The following CALHM3 variants were observed in gnomAD, a reference collection of about 807,000 sequenced individuals.
CALHM3 encodes the protein calcium homeostasis modulator protein 3.
In CALHM3, 9 loss-of-function variants were observed where a neutral mutation model predicts 13.6. The observed-to-expected ratio is 0.66, with a 90% CI of 0.40 to 1.15. The LOEUF (loss-of-function observed/expected upper bound fraction) is 1.15. Among genes scored for constraint, CALHM3 ranks in the 50% most tolerant of loss-of-function variants. The pLI is 0.01. For missense variants in CALHM3, 497 were observed against 463.4 expected, an observed-to-expected ratio of 1.07 and a Z score of -0.67; for synonymous variants, 231 against 213.2, an observed-to-expected ratio of 1.08 and a Z score of -0.73.
In CALHM3 at chr10:103,479,042, C is replaced by T; in HGVS notation, c.-10G>A. 2 of 1,541,642 alleles carry T rather than the reference C, an allele frequency of 1.3e-6. No individual in the cohort carries two copies. Among genetic ancestry groups the T allele is most frequent in the Non-Finnish European group, 1.8e-6 (2 of 1,140,922 alleles). On this transcript the variant is annotated 5_prime_UTR_variant, in exon 1 of 3. Transcript: ENST00000369783. ...TGCGGAATTTATCCATGGCTCCAGC[C>T]TGGGTGGGTGGGCGGCCGTCGGTTC...
intron 2 of CALHM3, among the ~76,000 whole-genome samples, chr10:103,475,736 G>A (rs1426164895): frequency 6.6e-6 from 1 of 152,190 alleles, no homozygotes; most frequent in Non-Finnish European, 1.5e-5. Context: ...ATACTTTTTG[G>A]TGGACACAAC....
Position 103,473,484 on chromosome 10 carries a change from T to C in CALHM3, c.764A>G (p.Gln255Arg), listed in dbSNP as rs750525191. 6.5e-7 allele frequency: 1 copy of C among 1,549,908 alleles called. No homozygotes were observed. The highest frequency in any genetic ancestry group is 8.7e-7 in the Non-Finnish European group (1 of 1,146,256). Residue 255 changes from glutamine (Q) to arginine (R), a missense_variant, in exon 3 of 3, where the codon CAG becomes CGG. Coordinates refer to ENST00000369783, the MANE Select transcript of CALHM3 (RefSeq NM_001129742.2). ...ATTGCCCCGGCGCAGCCCCCGCGCCTGCAGCTCACTCCGCATGCTGGCAAA... is the reference window on the plus strand; with the variant it reads ...ATTGCCCCGGCGCAGCCCCCGCGCCCGCAGCTCACTCCGCATGCTGGCAAA... ...HFFASMRSEL[Q>R]ARGLRRGNAG... is the part of the protein sequence containing the mutation.
At chr10:103,476,633 G>T in intron 1 of CALHM3, 84 bp from the exon 2 acceptor site, 1 of 1,483,752 alleles carries the variant, frequency 6.7e-7, no homozygotes, top group Non-Finnish European at 9.1e-7. Flanking sequence ...CTGCTGGGAA[G>T]TCCCAGGCTG....
Position 103,478,823 on chromosome 10 carries a change from G to A in CALHM3, c.210C>T (p.Ala70=). The part of the protein sequence containing the change: ...PLALFLCGLL[A]NRQSVVMVEE... ...CGACCATCACCACAGACTGCCGGTT[G>A]GCGAGGAGGCCGCAGAGAAACAGGG... is the stretch of plus-strand genomic sequence containing the variant. The change falls in exon 1 of 3, where the codon GCC becomes GCT. Residue 70 remains alanine, a synonymous_variant. Coordinates refer to ENST00000369783, the MANE Select transcript of CALHM3 (RefSeq NM_001129742.2). 6.4e-7 allele frequency: 1 copy of A among 1,551,540 alleles called. No individual in the cohort carries two copies. Among genetic ancestry groups the A allele is most frequent in the Non-Finnish European group, 8.7e-7 (1 of 1,146,996 alleles).
rs2033342827 is a variant in CALHM3, at chr10:103,473,259, G to C, written c.989C>G (p.Pro330Arg). The part of the protein sequence containing the change: ...LCGGGLSHRA[P>R]TLALGTRLSQ... ...CAGCCTCGTGCCCAGTGCCAAGGTA[G>C]GGGCGCGGTGGCTAAGGCCACCCCC... The change falls in exon 3 of 3, where the codon CCT becomes CGT. Residue 330 changes from proline to arginine, a missense_variant. Physicochemically the swap from Pro to Arg is moderately radical, Grantham distance 103. Coordinates refer to ENST00000369783, the MANE Select transcript of CALHM3 (RefSeq NM_001129742.2). The C allele has an allele frequency of 6.9e-7, 1 of 1,447,318 alleles. No homozygotes were observed. Among genetic ancestry groups the C allele is most frequent in the African/African-American group, 1.4e-5 (1 of 69,344 alleles). The allele number at this position is 1,447,318 out of a possible 1,614,324, so 89.7% of individuals were successfully genotyped here.
At chr10:103,478,304 T>C (rs1244484793) in intron 1 of CALHM3, among the ~76,000 whole-genome samples, 2 of 152,230 alleles carry the variant, frequency 1.3e-5, no homozygotes, top group East Asian at 3.8e-4. Flanking sequence ...TCTTTAGGTC[T>C]TTATTCTGAA....
At chr10:103,476,141 C>T (rs1243416569) in intron 2 of CALHM3, among the ~76,000 whole-genome samples, 153 bp downstream of exon 2, 1 of 152,200 alleles carries the variant, frequency 6.6e-6, no homozygotes, top group Non-Finnish European at 1.5e-5. Flanking sequence ...TGGGCGCAGG[C>T]AAGGCAGAGC....
chr10:103,475,148 C>G (rs1459384701), intron 2 of CALHM3, among the ~76,000 whole-genome samples: 1 of 152,186 alleles, frequency 6.6e-6, no homozygotes, highest in Non-Finnish European at 1.5e-5. Context: ...AAGCCATAGT[C>G]TCTTTAAGGC....
In CALHM3 at chr10:103,479,169, C is replaced by A; in HGVS notation, c.-137G>T. 3.9e-6 allele frequency: 4 copies of A among 1,031,598 alleles called. No homozygotes were observed. Among genetic ancestry groups the A allele is most frequent in the Non-Finnish European group, 5.5e-6 (4 of 729,572 alleles). The allele number at this position is 1,031,598 out of a possible 1,614,324, so 63.9% of individuals were successfully genotyped here. On this transcript the variant is annotated 5_prime_UTR_variant, in exon 1 of 3. Coordinates refer to ENST00000369783, the MANE Select transcript of CALHM3 (RefSeq NM_001129742.2). ...CTCTGCTTCCAAGGGCCTGAGGGGC[C>A]AAGGAGGAAGCAGTGCCCAGGCCCC...
chr10:103,473,573 C>T lies in CALHM3; in HGVS notation c.675G>A (p.Lys225=). ...GCTCACAGCAGGTCTCGTCGAAGAG[C>T]TTCTGCTCCAGGTCCACGTAGTTGC... ...YWSNYVDLEQ[K]LFDETCCEHA... The change falls in exon 3 of 3, where the codon AAG becomes AAA. Residue 225 remains lysine (K), a synonymous_variant. Coordinates refer to ENST00000369783, the MANE Select transcript of CALHM3 (RefSeq NM_001129742.2). 6.4e-7 allele frequency: 1 copy of T among 1,551,366 alleles called. No homozygotes were observed. Among genetic ancestry groups the T allele is most frequent in the Non-Finnish European group, 8.7e-7 (1 of 1,147,022 alleles).
At chr10:103,474,643 C>T (rs1319929926) in intron 2 of CALHM3, among the ~76,000 whole-genome samples, 2 of 152,002 alleles carry the variant, frequency 1.3e-5, no homozygotes, top group African/African-American at 4.8e-5. Flanking sequence ...TTAGTAGAGA[C>T]GAGGTTTCAC....
rs2033423263 is a variant in CALHM3, at chr10:103,478,858, G to A, written c.175C>T (p.Pro59Ser). The change falls in exon 1 of 3, where the codon CCC becomes TCC. Residue 59 changes from proline (P) to serine (S), a missense_variant. Transcript: ENST00000369783. ...CCGCAGAGAAACAGGGCGAGCGGGGGCGTCAGCAGCAGGCCCAGGCCGTAG... is the reference window on the plus strand; with the variant it reads ...CCGCAGAGAAACAGGGCGAGCGGGGACGTCAGCAGCAGGCCCAGGCCGTAG... ...ALYGLGLLLT[P>S]PLALFLCGLL... 1 of 1,551,736 alleles carries A rather than the reference G, an allele frequency of 6.4e-7. No homozygotes were observed. The highest frequency in any genetic ancestry group is 2.0e-5 in the Admixed American group (1 of 51,012).
At chr10:103,476,684 G>C in intron 1 of CALHM3, 135 bp from the exon 2 acceptor site, 2 of 1,114,574 alleles carry the variant, frequency 1.8e-6, no homozygotes, top group Non-Finnish European at 2.5e-6. Context: ...AGGTCCCAGT[G>C]ACAGAGACAG....
chr10:103,474,409 AC>A (rs34094787), intron 2 of CALHM3, among the ~76,000 whole-genome samples: 43 of 146,872 alleles, frequency 2.9e-4, no homozygotes, highest in African/African-American at 7.0e-4. Context: ...CTACTCATCC[AC>A]CCCCCCCATC....
chr10:103,473,774 T>C, intron 2 of CALHM3, 70 bp from the exon 3 acceptor site: 2 of 1,419,720 alleles, frequency 1.4e-6, no homozygotes, highest in Non-Finnish European at 1.8e-6. Context: ...TATTTATGAA[T>C]ACGTATATGA....
Position 103,476,344 on chromosome 10 carries a change from C to A in CALHM3, c.493G>T (p.Asp165Tyr). The change falls in exon 2 of 3, where the codon GAT becomes TAT. Residue 165 changes from aspartate to tyrosine, a missense_variant. Coordinates refer to ENST00000369783, the MANE Select transcript of CALHM3 (RefSeq NM_001129742.2). ...GACACTGCCTTCCGAGCAGGGCTAT[C>A]CCTGACCAGCTCATCCTCCTTGCAG... ...VPCKEDELVR[D>Y]SPARKAVSRY... 6.4e-7 allele frequency: 1 copy of A among 1,551,702 alleles called. No individual in the cohort carries two copies. The highest frequency in any genetic ancestry group is 8.7e-7 in the Non-Finnish European group (1 of 1,147,020).
intron 2 of CALHM3, among the ~76,000 whole-genome samples, chr10:103,474,030 C>T (rs2033361060): frequency 6.6e-6 from 1 of 152,184 alleles, no homozygotes; most frequent in Non-Finnish European, 1.5e-5. Flanking sequence ...TTAATTAACT[C>T]TTAGAGCATC....
At position 103,473,362 on chromosome 10, in the gene CALHM3, C is replaced by T; in HGVS notation, c.886G>A (p.Glu296Lys). 6.7e-7 allele frequency: 1 copy of T among 1,499,770 alleles called. No homozygotes were observed. The highest frequency in any genetic ancestry group is 8.9e-7 in the Non-Finnish European group (1 of 1,119,040). The allele number at this position is 1,499,770 out of a possible 1,614,324, so 92.9% of individuals were successfully genotyped here. The change falls in exon 3 of 3, where the codon GAG (glutamate) becomes AAG (lysine). Residue 296 changes from glutamate (E) to lysine (K), a missense_variant. By Grantham distance (56) the Glu-to-Lys change is moderately conservative (BLOSUM62 1). Transcript: ENST00000369783. Reference protein sequence around the residue: ...KAHLRAISSREQVDRLLSTWY... With the variant: ...KAHLRAISSRKQVDRLLSTWY... ...GTGCTTAGGAGGCGGTCCACCTGCT[C>T]CCGGCTGGAGATTGCGCGCAGGTGG...
In CALHM3 at chr10:103,479,226, A is replaced by C. The variant is rs1440736888; in HGVS notation, c.-194T>G. On this transcript the variant is annotated 5_prime_UTR_variant, in exon 1 of 3. Coordinates refer to ENST00000369783, the MANE Select transcript of CALHM3 (RefSeq NM_001129742.2). ...GGCTCCCGGGATCCAGTAGGCACTTAAGGCAGGGACAGGCTCTCACCACAA... is the reference window on the plus strand; with the variant it reads ...GGCTCCCGGGATCCAGTAGGCACTTCAGGCAGGGACAGGCTCTCACCACAA... The C allele has an allele frequency of 1.6e-6, 1 of 623,422 alleles. No homozygotes were observed. The highest frequency in any genetic ancestry group is 2.7e-6 in the Non-Finnish European group (1 of 366,404). The allele number at this position is 623,422 out of a possible 1,614,324, so 38.6% of individuals were successfully genotyped here.
Sources: allele counts gnomAD v4.1 joint callset (sites outside exome capture counted in the v4.1 genomes callset), GRCh38; gene constraint gnomAD v4.1.1; transcripts MANE v1.5; gene names NCBI Gene and HGNC (gene_info 2026-07-23, HGNC 2026-07-21).